Variants in CSMD3 observed in about 807,000 individuals in gnomAD.
CSMD3 encodes the protein CUB and sushi domain-containing protein 3.
In CSMD3, 177 loss-of-function variants were observed where a neutral mutation model predicts 435.2. The observed-to-expected ratio is 0.41, with a 90% confidence interval of 0.36 to 0.46. CSMD3 has a LOEUF of 0.46. Among genes scored for constraint, CSMD3 ranks in the 20% least tolerant of loss-of-function variants. The pLI is 0.34. For missense variants in CSMD3, 4,265 were observed against 4,504.6 expected, an observed-to-expected ratio of 0.95 and a Z score of 1.52; for synonymous variants, 1,656 against 1,520.5, an observed-to-expected ratio of 1.09 and a Z score of -2.07.
At chr8:112,763,476 G>C (rs963327076) in intron 13 of CSMD3, among the ~76,000 whole-genome samples, 1 of 149,518 alleles carries the variant, frequency 6.7e-6, no homozygotes, top group African/African-American at 2.5e-5. Context: ...AAATTTAATA[G>C]CATCACCATT....
intron 24 of CSMD3, among the ~76,000 whole-genome samples, chr8:112,569,982 A>C (rs1829378652): frequency 6.6e-6 from 1 of 152,100 alleles, no homozygotes; most frequent in Non-Finnish European, 1.5e-5. Context: ...AATACCTATG[A>C]TTCTCTCTGT....
chr8:112,905,127 A>T (rs1253237973), intron 10 of CSMD3, among the ~76,000 whole-genome samples: 1 of 151,386 alleles, frequency 6.6e-6, no homozygotes, highest in African/African-American at 2.4e-5. Flanking sequence ...AAATAAAGAT[A>T]TATGGTAGAC....
intron 16 of CSMD3, among the ~76,000 whole-genome samples, chr8:112,671,909 C>T (rs2075665879): frequency 6.6e-6 from 1 of 152,014 alleles, no homozygotes; most frequent in South Asian, 2.1e-4. Flanking sequence ...TTAAGTGCCT[C>T]TCCACTACTA....
chr8:112,738,022 G>A (rs1401005582), intron 13 of CSMD3, among the ~76,000 whole-genome samples: 1 of 151,790 alleles, frequency 6.6e-6, no homozygotes, highest in Non-Finnish European at 1.5e-5. Flanking sequence ...TTGACAGCTA[G>A]GTGAAAAATA....
rs181411350 is a variant in CSMD3, at chr8:113,118,223, C to A, written c.710-19260G>T. 1.6e-4 allele frequency among the ~76,000 whole-genome samples: 25 copies of A among 152,280 alleles called. No individual in the cohort carries two copies. The East Asian group carries it at 4.2e-3, about 26-fold the overall frequency. On this transcript the variant is annotated intron_variant, in intron 4 of 70. Transcript: ENST00000297405. ...CTTTAGAATATAAATGCCATCAACT[C>A]TTGACTACATTACTAATACATTAGT...
chr8:112,453,835 A>G (rs1013646178), intron 32 of CSMD3, among the ~76,000 whole-genome samples: 1 of 152,186 alleles, frequency 6.6e-6, no homozygotes, highest in African/African-American at 2.4e-5. Context: ...ACAAAGCCAG[A>G]GTCATCACAT....
chr8:112,336,116 C>T (rs1824534348), intron 44 of CSMD3, among the ~76,000 whole-genome samples: 1 of 151,906 alleles, frequency 6.6e-6, no homozygotes, highest in Non-Finnish European at 1.5e-5. Context: ...CACTATGTTG[C>T]CCAGGCTGGT....
At chr8:112,928,799 A>G (rs1404023958) in intron 9 of CSMD3, among the ~76,000 whole-genome samples, 1 of 149,912 alleles carries the variant, frequency 6.7e-6, no homozygotes, top group Non-Finnish European at 1.5e-5. Context: ...TTGGGTATAT[A>G]CCCACTAATG....
At chr8:112,536,539 G>A (rs900598179) in intron 27 of CSMD3, among the ~76,000 whole-genome samples, 4 of 152,100 alleles carry the variant, frequency 2.6e-5, no homozygotes, top group Non-Finnish European at 4.4e-5. Flanking sequence ...GAGAGGATGT[G>A]GAGAAATAGG....
At chr8:112,654,696 G>A (rs2075213702) in intron 18 of CSMD3, among the ~76,000 whole-genome samples, 1 of 152,154 alleles carries the variant, frequency 6.6e-6, no homozygotes, top group African/African-American at 2.4e-5. Flanking sequence ...CATACTGCAT[G>A]TTACCAGTTA....
chr8:113,241,907 T>C (rs1474020165), intron 3 of CSMD3, among the ~76,000 whole-genome samples: 3 of 151,604 alleles, frequency 2.0e-5, no homozygotes, highest in Non-Finnish European at 4.4e-5. Context: ...CACTGAATGC[T>C]ATATTTGGTG....
intron 1 of CSMD3, among the ~76,000 whole-genome samples, chr8:113,432,796 C>T (rs1213612697): frequency 6.6e-6 from 1 of 152,198 alleles, no homozygotes; most frequent in East Asian, 1.9e-4. Flanking sequence ...GTGGTCGCAG[C>T]GCCACTGGCC....
chr8:113,031,632 T>G, intron 5 of CSMD3, among the ~76,000 whole-genome samples: 1 of 151,626 alleles, frequency 6.6e-6, no homozygotes, highest in East Asian at 1.9e-4. Flanking sequence ...AAAATACACT[T>G]GCACACTCAC....
chr8:113,191,968 T>C (rs1236890122), intron 3 of CSMD3, among the ~76,000 whole-genome samples: 1 of 151,942 alleles, frequency 6.6e-6, no homozygotes, highest in Non-Finnish European at 1.5e-5. Context: ...TGGTATCTCA[T>C]TGTGGTTTTG....
chr8:112,605,884 G>A (rs188196096), intron 22 of CSMD3, among the ~76,000 whole-genome samples: 1 of 152,044 alleles, frequency 6.6e-6, no homozygotes, highest in African/African-American at 2.4e-5. Context: ...TTATCACAAA[G>A]AATTTCTAGC....
At chr8:112,578,621 A>G (rs1405994522) in intron 23 of CSMD3, among the ~76,000 whole-genome samples, 2 of 152,012 alleles carry the variant, frequency 1.3e-5, no homozygotes, top group Non-Finnish European at 2.9e-5. Context: ...CAAACAAAAA[A>G]CTGCTAAATG....
intron 9 of CSMD3, among the ~76,000 whole-genome samples, chr8:112,926,515 G>C (rs534537102): frequency 6.6e-6 from 1 of 152,220 alleles, no homozygotes; most frequent in Admixed American, 6.5e-5. Flanking sequence ...GATATTGTTT[G>C]AAAAACTAGA....
chr8:113,270,535 T>C (rs1182305936), intron 3 of CSMD3, among the ~76,000 whole-genome samples: 2 of 152,168 alleles, frequency 1.3e-5, no homozygotes, highest in African/African-American at 4.8e-5. Flanking sequence ...CGTATGTTTA[T>C]TGTGGCACTA....
intron 27 of CSMD3, among the ~76,000 whole-genome samples, chr8:112,532,762 A>G (rs1312036614): frequency 6.6e-6 from 1 of 152,152 alleles, no homozygotes; most frequent in Non-Finnish European, 1.5e-5. Flanking sequence ...AAAGTATAAA[A>G]CTCACTGGTA....
Sources: allele counts gnomAD v4.1 joint callset (sites outside exome capture counted in the v4.1 genomes callset), GRCh38; gene constraint gnomAD v4.1.1; transcripts MANE v1.5; gene names NCBI Gene and HGNC (gene_info 2026-07-23, HGNC 2026-07-21).